SLC8A3: variants seen among roughly 807,000 people sequenced by gnomAD.
SLC8A3 encodes the protein solute carrier family 8 member A3.
A neutral mutation model predicts 65.4 loss-of-function variants in SLC8A3; 37 were observed. The ratio of observed to expected loss-of-function variants is 0.57; its 90% confidence interval spans 0.44 to 0.74. The LOEUF (loss-of-function observed/expected upper bound fraction) is 0.74, where lower values mean the gene tolerates loss of function less well. Among genes scored for constraint, SLC8A3 ranks in the 30% least tolerant of loss-of-function variants. The probability of loss-of-function intolerance (pLI) is 0.00; values close to 1 mark genes in which losing one functional copy is unlikely to be tolerated. For missense variants in SLC8A3, 1,112 were observed against 1,172.1 expected (o/e 0.95, Z 0.75); for synonymous variants, 461 against 444.5 (o/e 1.04, Z -0.47).
At chr14:70,088,830 C>T (rs1029738548) in intron 2 of SLC8A3, among the ~76,000 whole-genome samples, 1 of 152,176 alleles carries the variant, frequency 6.6e-6, no homozygotes, top group African/African-American at 2.4e-5. Context: ...TTCTGGCTTC[C>T]TCTCCAGACT....
chr14:70,071,605 G>C (rs776729180), intron 2 of SLC8A3, among the ~76,000 whole-genome samples: 1 of 152,176 alleles, frequency 6.6e-6, no homozygotes, highest in Non-Finnish European at 1.5e-5. Flanking sequence ...GGTTGGAAGC[G>C]TATATGTCCT....
At chr14:70,108,408 A>AG (rs1296052074) in intron 2 of SLC8A3, among the ~76,000 whole-genome samples, 1 of 151,836 alleles carries the variant, frequency 6.6e-6, no homozygotes, top group Non-Finnish European at 1.5e-5. Context: ...TCAAAAAAAA[A>AG]AAAAAAGAAA....
At chr14:70,075,869 A>G (rs1890466209) in intron 2 of SLC8A3, among the ~76,000 whole-genome samples, 1 of 152,178 alleles carries the variant, frequency 6.6e-6, no homozygotes, top group South Asian at 2.1e-4. Context: ...AATCATCTGG[A>G]GGGCTCGATA....
chr14:70,058,893 G>T (rs536734754), intron 3 of SLC8A3, among the ~76,000 whole-genome samples: 1 of 152,130 alleles, frequency 6.6e-6, no homozygotes, highest in Non-Finnish European at 1.5e-5. Context: ...AATTGGCCTT[G>T]GGTATCTGCT....
intron 2 of SLC8A3, among the ~76,000 whole-genome samples, chr14:70,156,630 G>A (rs1896591320): frequency 6.6e-6 from 1 of 152,182 alleles, no homozygotes; most frequent in South Asian, 2.1e-4. Flanking sequence ...TGTGCCACAT[G>A]TAGATGAGGA....
rs1233384232 is a variant in SLC8A3, at chr14:70,143,880, C to A, written c.1784+22759G>T. On this transcript the variant is annotated intron_variant, in intron 2 of 6. Transcript: ENST00000356921. ...TGTCAGGTGTATACTCATTTCATGG[C>A]ACCTCACTGCTTACTTATCCTCTGT... is the stretch of plus-strand genomic sequence containing the variant. Among the ~76,000 whole-genome samples, 4 of 152,298 alleles carry A rather than the reference C, an allele frequency of 2.6e-5. No individual in the cohort carries two copies. In the East Asian group the frequency reaches 7.7e-4, roughly 29 times the overall value.
chr14:70,060,909 C>G lies in SLC8A3; in HGVS notation c.1815G>C (p.Glu605Asp). The change falls in exon 3 of 7, where the codon GAG becomes GAC. Residue 605 changes from glutamate (E) to aspartate (D), a missense_variant. Glu to Asp is a conservative substitution (Grantham distance 45). Transcript: ENST00000356921. ...AATTCTCTTGCCTTTCGTATTCCTC[C>G]TCATCTACTATTTTAACCCTTATGG... Reference protein sequence around the residue: ...VKTIRVKIVDEEEYERQENFF... With the variant: ...VKTIRVKIVDDEEYERQENFF... 2 of 1,518,506 alleles carry G rather than the reference C, an allele frequency of 1.3e-6. No individual in the cohort carries two copies. The highest frequency in any genetic ancestry group is 1.8e-6 in the Non-Finnish European group (2 of 1,134,254). The allele number at this position is 1,518,506 out of a possible 1,614,324, so 94.1% of individuals were successfully genotyped here.
At chr14:70,067,245 TC>T (rs1259842712) in intron 2 of SLC8A3, among the ~76,000 whole-genome samples, 1 of 152,202 alleles carries the variant, frequency 6.6e-6, no homozygotes, top group Non-Finnish European at 1.5e-5. Context: ...ACTTATCACC[TC>T]TTCGGAGAGG....
chr14:70,064,279 C>A (rs1353066403), intron 2 of SLC8A3, among the ~76,000 whole-genome samples: 2 of 152,148 alleles, frequency 1.3e-5, no homozygotes, highest in Admixed American at 1.3e-4. Flanking sequence ...TACAGCATCC[C>A]AGGGCAGTTA....
At chr14:70,169,823 C>T (rs1221853540) in intron 1 of SLC8A3, among the ~76,000 whole-genome samples, 3 of 152,056 alleles carry the variant, frequency 2.0e-5, no homozygotes, top group Middle Eastern at 3.4e-3. Flanking sequence ...GCTCCTTTTT[C>T]TCCTGTTTCC....
chr14:70,158,873 T>C lies in SLC8A3; in HGVS notation c.1784+7766A>G, dbSNP rs1311775027. Among the ~76,000 whole-genome samples the C allele has an allele frequency of 3.9e-5, 6 of 152,366 alleles. No homozygotes were observed. In the East Asian group the frequency reaches 1.2e-3, roughly 29 times the overall value. On this transcript the variant is annotated intron_variant, in intron 2 of 6. Coordinates refer to ENST00000356921, the MANE Select transcript of SLC8A3 (RefSeq NM_182932.3). ...TAATTCCTATGAATGATAACTCTCATGCCATCTGAAAATATTTGTCTAGTG... is the reference window on the plus strand; with the variant it reads ...TAATTCCTATGAATGATAACTCTCACGCCATCTGAAAATATTTGTCTAGTG...
intron 2 of SLC8A3, among the ~76,000 whole-genome samples, chr14:70,145,212 T>C (rs1004808890): frequency 7.9e-5 from 12 of 152,252 alleles, no homozygotes; most frequent in African/African-American, 2.9e-4. Context: ...TTTTGGCTAT[T>C]TGTAAATGCT....
At chr14:70,183,256 G>A (rs1013687536) in intron 1 of SLC8A3, among the ~76,000 whole-genome samples, 1 of 152,182 alleles carries the variant, frequency 6.6e-6, no homozygotes, top group Admixed American at 6.5e-5. Context: ...ATGAAACAGA[G>A]CTGTTTTCTT....
intron 1 of SLC8A3, among the ~76,000 whole-genome samples, chr14:70,175,244 T>C (rs574035082): frequency 8.2e-4 from 125 of 152,306 alleles, no homozygotes; most frequent in African/African-American, 2.8e-3. Context: ...ACCTACTCTA[T>C]AGCCAGCACT....
intron 2 of SLC8A3, among the ~76,000 whole-genome samples, chr14:70,102,498 A>G (rs1194794762): frequency 1.3e-5 from 2 of 152,322 alleles, no homozygotes; most frequent in East Asian, 3.9e-4. Flanking sequence ...GATAAGGTAA[A>G]GATCACTCAA....
At chr14:70,163,815 G>C (rs971923335) in intron 2 of SLC8A3, among the ~76,000 whole-genome samples, 2 of 152,058 alleles carry the variant, frequency 1.3e-5, no homozygotes, top group Non-Finnish European at 2.9e-5. Flanking sequence ...CCCTCCCCTA[G>C]ACCTCCTGGA....
At chr14:70,184,851 A>G (rs1883051503) in intron 1 of SLC8A3, among the ~76,000 whole-genome samples, 1 of 152,214 alleles carries the variant, frequency 6.6e-6, no homozygotes, top group Non-Finnish European at 1.5e-5. Context: ...TGAATAAATG[A>G]ATGCTTTTTC....
At chr14:70,085,067 A>G (rs776826014) in intron 2 of SLC8A3, among the ~76,000 whole-genome samples, 1 of 152,210 alleles carries the variant, frequency 6.6e-6, no homozygotes, top group East Asian at 1.9e-4. Flanking sequence ...GGGGGTAAAG[A>G]AGTTAAAAAG....
In SLC8A3 at chr14:70,167,067, C is replaced by G. The variant is rs777810742; in HGVS notation, c.1356G>C (p.Thr452=). 1.9e-6 allele frequency: 3 copies of G among 1,613,928 alleles called. No individual in the cohort carries two copies. The highest frequency in any genetic ancestry group is 1.7e-6 in the Non-Finnish European group (2 of 1,180,032). Reference sequence around the variant, plus strand: ...GGGTCTCTCCTGGCTTCAGAACCACCGTGCCCTCTGTGAACTCATAGTCAG... The same window carrying G: ...GGGTCTCTCCTGGCTTCAGAACCACGGTGCCCTCTGTGAACTCATAGTCAG... ...AGADYEFTEG[T]VVLKPGETQK... Residue 452 remains threonine, a synonymous_variant, in exon 2 of 7, where the codon ACG becomes ACC. Coordinates refer to ENST00000356921, the MANE Select transcript of SLC8A3 (RefSeq NM_182932.3).
Sources: allele counts gnomAD v4.1 joint callset (sites outside exome capture counted in the v4.1 genomes callset), GRCh38; gene constraint gnomAD v4.1.1; transcripts MANE v1.5; gene names NCBI Gene and HGNC (gene_info 2026-07-23, HGNC 2026-07-21).